The following GATC variants were observed in gnomAD, a reference collection of about 807,000 sequenced individuals.
The protein encoded by GATC is glutamyl-tRNA amidotransferase subunit C, also known as glutamyl-tRNA(Gln) amidotransferase subunit C, mitochondrial.
In GATC, 11 loss-of-function variants were observed where a neutral mutation model predicts 14.4. The ratio of observed to expected loss-of-function variants is 0.77; its 90% CI spans 0.48 to 1.27. GATC has a LOEUF of 1.27. Among genes scored for constraint, GATC ranks in the 50% most tolerant of loss-of-function variants. The pLI is 0.00. For synonymous variants in GATC, 76 were observed against 79.3 expected (o/e 0.96, Z 0.22); for missense variants, 204 against 183.0 (o/e 1.11, Z -0.66).
In GATC at chr12:120,462,206, CAG is replaced by C. The variant is rs755171639; in HGVS notation, c.*2250_*2251del. On this transcript the variant is annotated 3_prime_UTR_variant, in exon 4 of 4. Coordinates refer to ENST00000551765, the MANE Select transcript of GATC (RefSeq NM_176818.3). Reference sequence around the variant, plus strand: ...CAAAAAGAGTAAAGGGGAAAAAAATCAGAGCCAGAAGAATAAGCAAACCAACA... The same window carrying C: ...CAAAAAGAGTAAAGGGGAAAAAAATCAGCCAGAAGAATAAGCAAACCAACA... 5 of 1,564,192 alleles carry C rather than the reference CAG, an allele frequency of 3.2e-6. No homozygotes were observed. The East Asian group carries it at 9.2e-5, about 29-fold the overall frequency.
Position 120,460,073 on chromosome 12 carries a change from G to A in GATC, c.*114G>A, listed in dbSNP as rs1878293706. 5.4e-6 allele frequency: 4 copies of A among 740,936 alleles called. No individual in the cohort carries two copies. The highest frequency in any genetic ancestry group is 9.1e-6 in the Non-Finnish European group (4 of 437,548). The allele number at this position is 740,936 out of a possible 1,614,324, so 45.9% of individuals were successfully genotyped here. A position where few individuals can be genotyped will look rare whatever the true frequency, so the allele number is the denominator to read the frequency against. ...TTTTCAGTCCCCTGAAAAAATGGATGCTCAAGCATTTCTTAATAACAGATT... is the reference window on the plus strand; with the variant it reads ...TTTTCAGTCCCCTGAAAAAATGGATACTCAAGCATTTCTTAATAACAGATT... On this transcript the variant is annotated 3_prime_UTR_variant, in exon 4 of 4. Transcript: ENST00000551765.
At chr12:120,449,209 T>C (rs752089447) in intron 2 of GATC, among the ~76,000 whole-genome samples, 3 of 152,098 alleles carry the variant, frequency 2.0e-5, no homozygotes, top group Non-Finnish European at 2.9e-5. Flanking sequence ...TCTGCCCACC[T>C]CAGCCTCCCA....
rs1207251343 is a variant in GATC, at chr12:120,460,682, C to CA, written c.*724dup. 5 of 152,112 alleles carry CA rather than the reference C, an allele frequency of 3.3e-5. No individual in the cohort carries two copies. The highest frequency in any genetic ancestry group is 7.3e-5 in the Non-Finnish European group (5 of 68,028). 9.4% of individuals were successfully genotyped at this position (152,112 alleles called of 1,614,324 possible). ...ATTGAGATGAGTCCAGGATAAAACT[C>CA]AGATACCAAGGATAAATGAAACTTA... On this transcript the variant is annotated 3_prime_UTR_variant, in exon 4 of 4. Transcript: ENST00000551765.
At chr12:120,455,388 T>TG (rs1439321020) in intron 2 of GATC, among the ~76,000 whole-genome samples, 1 of 151,266 alleles carries the variant, frequency 6.6e-6, no homozygotes, top group Admixed American at 6.6e-5. Context: ...AGGCTGGTCT[T>TG]GAACTCCTGA....
At chr12:120,453,449 G>A (rs892919159) in intron 2 of GATC, among the ~76,000 whole-genome samples, 1 of 152,100 alleles carries the variant, frequency 6.6e-6, no homozygotes, top group African/African-American at 2.4e-5. Flanking sequence ...CAGGAGATAA[G>A]TTAACTTATC....
intron 3 of GATC, among the ~76,000 whole-genome samples, chr12:120,457,818 G>C (rs1878227689): frequency 6.6e-6 from 1 of 152,026 alleles, no homozygotes; most frequent in Non-Finnish European, 1.5e-5. Context: ...TGTTAGCCAG[G>C]ATGGTCTCGA....
intron 2 of GATC, among the ~76,000 whole-genome samples, chr12:120,456,486 C>T (rs1244642092): frequency 6.6e-6 from 1 of 152,206 alleles, no homozygotes; most frequent in East Asian, 1.9e-4. Context: ...CCCATCTCTG[C>T]TTAGCTTTCC....
In GATC at chr12:120,459,846, C is replaced by A. The variant is rs1878284930; in HGVS notation, c.359-61C>A. On this transcript the variant is annotated intron_variant, in intron 3 of 3. Transcript: ENST00000551765. The stretch of plus-strand genomic sequence containing the variant: ...CACTCCAGCCTGGGCAACAGCGAGA[C>A]TCTGTCTCAAAACAAAAACAAACAA... 3.7e-6 allele frequency: 5 copies of A among 1,367,526 alleles called. No homozygotes were observed. The South Asian group carries it at 6.0e-5, about 16-fold the overall frequency. 84.7% of individuals were successfully genotyped at this position (1,367,526 alleles called of 1,614,324 possible).
At position 120,459,988 on chromosome 12, in the gene GATC, G is replaced by A. The variant is rs752216866; in HGVS notation, c.*29G>A. On this transcript the variant is annotated 3_prime_UTR_variant, in exon 4 of 4. Coordinates refer to ENST00000551765, the MANE Select transcript of GATC (RefSeq NM_176818.3). Reference sequence around the variant, plus strand: ...GCTCATTCTGGAAAGGGGGTACTCTGTGAACATGTGGAAGCATAATGACAG... The same window carrying A: ...GCTCATTCTGGAAAGGGGGTACTCTATGAACATGTGGAAGCATAATGACAG... 11 of 1,554,996 alleles carry A rather than the reference G, an allele frequency of 7.1e-6. No homozygotes were observed. Among genetic ancestry groups the A allele is most frequent in the Admixed American group, 1.7e-5 (1 of 59,162 alleles).
intron 3 of GATC, among the ~76,000 whole-genome samples, chr12:120,459,677 A>G (rs1156296526): frequency 6.6e-6 from 1 of 152,172 alleles, no homozygotes; most frequent in Non-Finnish European, 1.5e-5. Flanking sequence ...TAACACGGTG[A>G]AACCCCGTCT....
In GATC at chr12:120,459,906, G is replaced by C; in HGVS notation, c.359-1G>C. 1 of 1,610,530 alleles carries C rather than the reference G, an allele frequency of 6.2e-7. No individual in the cohort carries two copies. Among genetic ancestry groups the C allele is most frequent in the Non-Finnish European group, 8.5e-7 (1 of 1,177,108 alleles). On this transcript the variant is annotated splice_acceptor_variant, in intron 3 of 3. Coordinates refer to ENST00000551765, the MANE Select transcript of GATC (RefSeq NM_176818.3). LOFTEE classifies it high-confidence loss of function. ...AATTCTCTTTTGTTATTTTCAAACA[G>C]GTAATATCTCTTTGCCAAAGCTGGA...
chr12:120,448,890 CG>C (rs1485552058), intron 2 of GATC, among the ~76,000 whole-genome samples: 1 of 151,798 alleles, frequency 6.6e-6, no homozygotes, highest in Non-Finnish European at 1.5e-5. Context: ...ACAGTCCACC[CG>C]CCTCGGCCTC....
intron 3 of GATC, 119 bp from the exon 4 acceptor site, chr12:120,459,788 C>T (rs549926137): frequency 2.9e-4 from 180 of 615,232 alleles, no homozygotes; most frequent in South Asian, 1.4e-3. Context: ...CCCCAGGGGG[C>T]GGAGCCTGCA....
chr12:120,457,282 AG>A (rs1346114083), intron 3 of GATC, 103 bp downstream of exon 3: 2 of 833,188 alleles, frequency 2.4e-6, no homozygotes, highest in Non-Finnish European at 4.1e-6. Flanking sequence ...CACTTTGAAA[AG>A]GATGAAGTGC....
chr12:120,446,803 GC>G lies in GATC; in HGVS notation c.231del (p.Met78TrpfsTer12). ...GCGCCGTGGACACAGACGGGGTGGAGCCCATGGAATCGGTCCTGGAGGACAG... is the reference window on the plus strand; with the variant it reads ...GCGCCGTGGACACAGACGGGGTGGAGCCATGGAATCGGTCCTGGAGGACAG... ...LRAVDTDGVE[P>X]MESVLEDRCL... On this transcript the variant is annotated frameshift_variant, in exon 2 of 4. Transcript: ENST00000551765. LOFTEE classifies it high-confidence loss of function. 1 of 1,613,348 alleles carries G rather than the reference GC, an allele frequency of 6.2e-7. No individual in the cohort carries two copies. The highest frequency in any genetic ancestry group is 8.5e-7 in the Non-Finnish European group (1 of 1,179,702).
intron 2 of GATC, among the ~76,000 whole-genome samples, chr12:120,451,872 A>ATTATTTTTTTTTTT: frequency 1.1e-5 from 1 of 88,088 alleles, no homozygotes; most frequent in African/African-American, 4.6e-5. Flanking sequence ...AATTATATAA[A>ATTATTTTTTTTTTT]TTCTTTTTTT....
chr12:120,457,941 A>G (rs1356023893), intron 3 of GATC, among the ~76,000 whole-genome samples: 1 of 97,846 alleles, frequency 1.0e-5, no homozygotes, highest in East Asian at 2.8e-4. Flanking sequence ...ATCTTTGCCT[A>G]TGACATGATT....
In GATC at chr12:120,446,681, G is replaced by C; in HGVS notation, c.106G>C (p.Val36Leu). 1 of 1,613,224 alleles carries C rather than the reference G, an allele frequency of 6.2e-7. No individual in the cohort carries two copies. Among genetic ancestry groups the C allele is most frequent in the Non-Finnish European group, 8.5e-7 (1 of 1,179,718 alleles). Residue 36 changes from valine to leucine, a missense_variant, in exon 2 of 4, where the codon GTG becomes CTG. Transcript: ENST00000551765. ...PQGSGRITAA[V>L]IEHLERLALV... ...GGGCAGTGGCCGGATCACGGCTGCGGTGATCGAGCACCTGGAGCGTCTAGC... is the reference window on the plus strand; with the variant it reads ...GGGCAGTGGCCGGATCACGGCTGCGCTGATCGAGCACCTGGAGCGTCTAGC...
intron 3 of GATC, among the ~76,000 whole-genome samples, chr12:120,458,910 G>A (rs987068374): frequency 6.6e-6 from 1 of 152,198 alleles, no homozygotes; most frequent in Non-Finnish European, 1.5e-5. Flanking sequence ...GCCCAAGCTG[G>A]AGTGCAGTGG....
Sources: gnomAD v4.1 joint callset for allele counts (sites outside exome capture counted in the v4.1 genomes callset) on GRCh38, gnomAD v4.1.1 for gene constraint, MANE v1.5 for transcripts, NCBI Gene and HGNC (gene_info 2026-07-23, HGNC 2026-07-21) for gene names.